Variants in KCND2 observed in about 807,000 individuals in gnomAD.
KCND2 encodes potassium voltage-gated channel subfamily D member 2.
Under a neutral mutation model 54.4 loss-of-function variants are expected in KCND2, and 16 were observed. The ratio of observed to expected loss-of-function variants is 0.29; its 90% CI spans 0.20 to 0.45. The LOEUF is 0.45. Among genes scored for constraint, KCND2 ranks in the 20% least tolerant of loss-of-function variants. The pLI, the probability that KCND2 is intolerant of heterozygous loss-of-function variation, is 1.00. For missense variants in KCND2, 486 were observed against 824.2 expected (o/e 0.59, Z 5.02); for synonymous variants, 317 against 310.7 (o/e 1.02, Z -0.21).
intron 1 of KCND2, among the ~76,000 whole-genome samples, chr7:120,564,837 T>G (rs1460481610): frequency 2.6e-5 from 4 of 152,178 alleles, no homozygotes; most frequent in Non-Finnish European, 5.9e-5. Flanking sequence ...GAATTTACAT[T>G]TTAATGAGCA....
At chr7:120,344,107 G>A (rs756508838) in intron 1 of KCND2, among the ~76,000 whole-genome samples, 1 of 152,116 alleles carries the variant, frequency 6.6e-6, no homozygotes, top group Non-Finnish European at 1.5e-5. Context: ...ATTTCCTATT[G>A]TCATAGTTAT....
At chr7:120,655,493 C>A (rs923177493) in intron 1 of KCND2, among the ~76,000 whole-genome samples, 20 of 151,980 alleles carry the variant, frequency 1.3e-4, no homozygotes, top group African/African-American at 4.3e-4. Flanking sequence ...ATAGGCAAAT[C>A]TTAAAGAAAT....
At chr7:120,384,397 C>T (rs181255859) in intron 1 of KCND2, among the ~76,000 whole-genome samples, 1 of 152,154 alleles carries the variant, frequency 6.6e-6, no homozygotes, top group East Asian at 1.9e-4. Context: ...TTTAAATATA[C>T]AAGTTACCAC....
At chr7:120,732,110 G>GTT (rs910337933) in intron 1 of KCND2, among the ~76,000 whole-genome samples, 12 of 152,118 alleles carry the variant, frequency 7.9e-5, no homozygotes, top group African/African-American at 2.7e-4. Context: ...CATAGAGATA[G>GTT]TTTTAAGCTA....
intron 1 of KCND2, among the ~76,000 whole-genome samples, chr7:120,530,637 G>A (rs563208550): frequency 5.3e-5 from 8 of 151,724 alleles, no homozygotes; most frequent in Non-Finnish European, 1.0e-4. Flanking sequence ...ACATTCACTC[G>A]GGTTTTCCCT....
intron 1 of KCND2, among the ~76,000 whole-genome samples, chr7:120,560,337 A>G (rs1390580434): frequency 1.3e-5 from 2 of 152,200 alleles, no homozygotes; most frequent in African/African-American, 4.8e-5. Context: ...AAGACTTGCT[A>G]CTTGAAGTGG....
rs185898176 is a variant in KCND2 at position 120,729,692 on chromosome 7, T to C, written c.1116-3211T>C. ...AGAAGATGTTCCCACTGATGAACAC[T>C]TTGTGCCCCCTTCCTCTTCTCACCA... On this transcript the variant is annotated intron_variant, in intron 1 of 5. Transcript: ENST00000331113. 2.6e-5 allele frequency among the ~76,000 whole-genome samples: 4 copies of C among 152,330 alleles called. No individual in the cohort carries two copies. In the East Asian group the frequency reaches 5.8e-4, roughly 22 times the overall value.
At chr7:120,667,275 A>G (rs1791938833) in intron 1 of KCND2, among the ~76,000 whole-genome samples, 1 of 152,086 alleles carries the variant, frequency 6.6e-6, no homozygotes, top group Non-Finnish European at 1.5e-5. Flanking sequence ...TTTGGGAGAC[A>G]TTTAAGATTC....
At chr7:120,594,251 T>A (rs1792706361) in intron 1 of KCND2, among the ~76,000 whole-genome samples, 1 of 152,228 alleles carries the variant, frequency 6.6e-6, no homozygotes, top group African/African-American at 2.4e-5. Context: ...AGGCACACAC[T>A]GAACGCACAA....
chr7:120,692,761 G>A (rs1792285365), intron 1 of KCND2, among the ~76,000 whole-genome samples: 2 of 152,190 alleles, frequency 1.3e-5, no homozygotes, highest in African/African-American at 4.8e-5. Flanking sequence ...AAGCCAGAGG[G>A]CCTGGGAGAG....
chr7:120,554,189 G>T (rs1252489701), intron 1 of KCND2, among the ~76,000 whole-genome samples: 3 of 152,184 alleles, frequency 2.0e-5, no homozygotes, highest in African/African-American at 7.2e-5. Flanking sequence ...TCACATAGTA[G>T]TTAAGAAAAC....
chr7:120,538,096 G>A (rs1050756763), intron 1 of KCND2, among the ~76,000 whole-genome samples: 6 of 152,160 alleles, frequency 3.9e-5, no homozygotes, highest in African/African-American at 1.4e-4. Context: ...GGTTTAAAGT[G>A]AAAGACGTGT....
At chr7:120,484,407 G>A (rs925375135) in intron 1 of KCND2, among the ~76,000 whole-genome samples, 2 of 151,820 alleles carry the variant, frequency 1.3e-5, no homozygotes, top group African/African-American at 4.8e-5. Flanking sequence ...CCTTGCCTTG[G>A]CCTCCCAAAG....
intron 1 of KCND2, among the ~76,000 whole-genome samples, chr7:120,420,888 A>C (rs1272004364): frequency 6.6e-6 from 1 of 152,196 alleles, no homozygotes; most frequent in African/African-American, 2.4e-5. Flanking sequence ...ACATAAAATC[A>C]TGAGCTCTAT....
chr7:120,456,076 G>T (rs1802196713), intron 1 of KCND2, among the ~76,000 whole-genome samples: 1 of 152,092 alleles, frequency 6.6e-6, no homozygotes, highest in Non-Finnish European at 1.5e-5. Flanking sequence ...AGCATGCAAA[G>T]CCTTCAAACC....
chr7:120,475,620 A>G (rs1183429355), intron 1 of KCND2, among the ~76,000 whole-genome samples: 2 of 152,206 alleles, frequency 1.3e-5, no homozygotes, highest in African/African-American at 2.4e-5. Context: ...TGCGATGTCA[A>G]ATAACAACAT....
intron 1 of KCND2, among the ~76,000 whole-genome samples, chr7:120,527,814 T>A (rs1351201624): frequency 6.6e-6 from 1 of 152,078 alleles, no homozygotes; most frequent in Non-Finnish European, 1.5e-5. Context: ...TCCCTACATA[T>A]AGGGAAGTAT....
At chr7:120,675,780 T>C (rs1249693324) in intron 1 of KCND2, among the ~76,000 whole-genome samples, 35 of 152,124 alleles carry the variant, frequency 2.3e-4, no homozygotes, top group Admixed American at 2.3e-3. Context: ...CATAGTATTA[T>C]AATGAGTGAT....
intron 2 of KCND2, among the ~76,000 whole-genome samples, chr7:120,737,089 A>T (rs533092736): frequency 6.0e-5 from 9 of 149,746 alleles, no homozygotes; most frequent in Admixed American, 1.3e-4. Flanking sequence ...CAAAAAAAAA[A>T]AAAACAAAAC....
Sources: allele counts gnomAD v4.1 joint callset (sites outside exome capture counted in the v4.1 genomes callset), GRCh38; gene constraint gnomAD v4.1.1; transcripts MANE v1.5; gene names NCBI Gene and HGNC (gene_info 2026-07-23, HGNC 2026-07-21).